Variants in THUMPD2 observed in about 807,000 individuals in gnomAD.
THUMPD2 encodes THUMP domain 2 tRNA and snRNA guanosine methyltransferase, also known as U6 snRNA (guanine-N(2))-methyltransferase THUMPD2.
In THUMPD2, 56 loss-of-function variants were observed where a neutral mutation model predicts 49.4. The ratio of observed to expected loss-of-function variants is 1.13; its 90% CI spans 0.91 to 1.41. The LOEUF is 1.41. Ranked by LOEUF, THUMPD2 falls within the 40% of genes most tolerant of loss-of-function variation. THUMPD2 has a pLI of 0.00. For missense variants in THUMPD2, 709 were observed against 594.5 expected, an observed-to-expected ratio of 1.19 and a Z score of -2.00; for synonymous variants, 237 against 205.2, an observed-to-expected ratio of 1.15 and a Z score of -1.32.
intron 1 of THUMPD2, among the ~76,000 whole-genome samples, chr2:39,775,383 G>A (rs1256236300): frequency 1.3e-5 from 2 of 152,170 alleles, no homozygotes; most frequent in Non-Finnish European, 2.9e-5. Flanking sequence ...GAATTAATTT[G>A]AAAGTGCTAC....
chr2:39,744,592 G>A, intron 8 of THUMPD2, 114 bp from the exon 9 acceptor site: 1 of 627,402 alleles, frequency 1.6e-6, no homozygotes, highest in Non-Finnish European at 2.6e-6. Context: ...TAACATTTAG[G>A]GTTGCTAATA....
chr2:39,747,053 T>G (rs1206213802), intron 8 of THUMPD2, among the ~76,000 whole-genome samples: 1 of 152,200 alleles, frequency 6.6e-6, no homozygotes, highest in African/African-American at 2.4e-5. Context: ...ATGCCTGGAT[T>G]AAATACTTTT....
At chr2:39,738,157 G>A (rs1162484632) in intron 9 of THUMPD2, among the ~76,000 whole-genome samples, 2 of 152,190 alleles carry the variant, frequency 1.3e-5, no homozygotes, top group Non-Finnish European at 2.9e-5. Context: ...CATTTAAAAA[G>A]TGACGGAGGA....
intron 8 of THUMPD2, among the ~76,000 whole-genome samples, chr2:39,746,334 T>G (rs566427707): frequency 6.6e-6 from 1 of 152,296 alleles, no homozygotes; most frequent in South Asian, 2.1e-4. Flanking sequence ...CCCATAGCAG[T>G]AGCATCAGTA....
At chr2:39,766,256 C>A in intron 4 of THUMPD2, 147 bp from the exon 5 acceptor site, 3 of 478,320 alleles carry the variant, frequency 6.3e-6, no homozygotes, top group East Asian at 3.8e-5. Context: ...GAAAAATGTT[C>A]TATAATCTTT....
intron 1 of THUMPD2, among the ~76,000 whole-genome samples, chr2:39,778,835 C>T (rs1679461064): frequency 6.6e-6 from 1 of 152,206 alleles, no homozygotes. Flanking sequence ...GCACTACTTA[C>T]TACTTTAAAG....
At chr2:39,777,295 A>C (rs192883697) in intron 1 of THUMPD2, among the ~76,000 whole-genome samples, 1 of 152,196 alleles carries the variant, frequency 6.6e-6, no homozygotes, top group Non-Finnish European at 1.5e-5. Flanking sequence ...AAAGGAATAT[A>C]TAAGATCTGC....
chr2:39,765,314 C>T (rs1572850149), intron 5 of THUMPD2, among the ~76,000 whole-genome samples: 1 of 152,142 alleles, frequency 6.6e-6, no homozygotes, highest in East Asian at 1.9e-4. Context: ...TGCCTGCTAC[C>T]ATACCCAGTT....
At chr2:39,761,289 A>G (rs1401396417) in intron 6 of THUMPD2, 42 bp downstream of exon 6, 1 of 1,560,648 alleles carries the variant, frequency 6.4e-7, no homozygotes, top group Non-Finnish European at 8.8e-7. Flanking sequence ...TTAATTATGA[A>G]AAGAACCTTG....
intron 9 of THUMPD2, among the ~76,000 whole-genome samples, chr2:39,741,089 T>G (rs1382369769): frequency 6.6e-6 from 1 of 152,146 alleles, no homozygotes; most frequent in Non-Finnish European, 1.5e-5. Context: ...TGAACACTAG[T>G]GTATCAGTGA....
chr2:39,765,950 A>T (rs1226886365), intron 5 of THUMPD2, 107 bp downstream of exon 5: 2 of 865,658 alleles, frequency 2.3e-6, no homozygotes, highest in East Asian at 5.6e-5. Flanking sequence ...CTTTGCCTTT[A>T]GCCTTCTCTG....
chr2:39,744,613 G>T, intron 8 of THUMPD2, 135 bp from the exon 9 acceptor site: 1 of 512,580 alleles, frequency 2.0e-6, no homozygotes, highest in Non-Finnish European at 3.4e-6. Context: ...TTGTTTTAAA[G>T]TAATTACAAG....
chr2:39,752,337 G>A (rs1285452884), intron 8 of THUMPD2, among the ~76,000 whole-genome samples: 2 of 152,150 alleles, frequency 1.3e-5, no homozygotes, highest in Non-Finnish European at 2.9e-5. Context: ...GTGAAAAAAC[G>A]ATGGTGGAGC....
intron 8 of THUMPD2, among the ~76,000 whole-genome samples, chr2:39,746,275 CCTCT>C (rs1490273537): frequency 6.6e-6 from 1 of 152,134 alleles, no homozygotes; most frequent in Non-Finnish European, 1.5e-5. Flanking sequence ...TCCAGGTGGG[CCTCT>C]CTCCTGCTCT....
chr2:39,756,427 C>A (rs796969400), intron 6 of THUMPD2, among the ~76,000 whole-genome samples: 1 of 150,512 alleles, frequency 6.6e-6, no homozygotes, highest in Admixed American at 6.6e-5. Context: ...GAGCAGAGAT[C>A]GCGCCCCTGC....
At chr2:39,769,180 T>C (rs775031235) in intron 3 of THUMPD2, 2 of 1,012,092 alleles carry the variant, frequency 2.0e-6, no homozygotes, top group South Asian at 1.7e-5. Context: ...GATTTCCAAA[T>C]ACAAAGGACA....
chr2:39,752,964 T>C (rs1675612699), intron 8 of THUMPD2, among the ~76,000 whole-genome samples: 1 of 152,144 alleles, frequency 6.6e-6, no homozygotes, highest in South Asian at 2.1e-4. Flanking sequence ...CTGGATCCCA[T>C]CCTTTTTCAG....
Position 39,761,372 on chromosome 2 carries a change from A to G in THUMPD2, c.850T>C (p.Ser284Pro). The change falls in exon 6 of 10, where the codon TCT becomes CCT. Residue 284 changes from serine to proline, a missense_variant. By Grantham distance (74) the Ser-to-Pro change is moderately conservative. Transcript: ENST00000505747. ...GATGCCATTGCCCACGCTATTGTAG[A>G]TCGCAGTCCAGCTGTCTTGATGTAA... ...RAYIKTAGLR[S>P]TIAWAMASLA... The G allele has an allele frequency of 1.2e-6, 2 of 1,613,850 alleles. No homozygotes were observed. The highest frequency in any genetic ancestry group is 2.2e-5 in the South Asian group (2 of 91,072).
At chr2:39,744,505 AT>A in intron 8 of THUMPD2, 27 bp from the exon 9 acceptor site, 1 of 1,410,168 alleles carries the variant, frequency 7.1e-7, no homozygotes, top group Non-Finnish European at 9.7e-7. Context: ...AGAGAATCCT[AT>A]TACAGTAGGG....
Sources: allele counts gnomAD v4.1 joint callset (sites outside exome capture counted in the v4.1 genomes callset), GRCh38; gene constraint gnomAD v4.1.1; transcripts MANE v1.5; gene names NCBI Gene and HGNC (gene_info 2026-07-23, HGNC 2026-07-21).